EIPR1: variants seen among roughly 807,000 people sequenced by gnomAD.
EIPR1 encodes the protein EARP and GARP complex-interacting protein 1.
EIPR1 carries 25 observed loss-of-function variants against 48.1 expected under a neutral mutation model. The ratio of observed to expected loss-of-function variants is 0.52; its 90% CI spans 0.38 to 0.73. The LOEUF is 0.73. EIPR1 is among the 30% of genes least tolerant of loss of function. The pLI is 0.00. For missense variants in EIPR1, 415 were observed against 506.2 expected (o/e 0.82, Z 1.73); for synonymous variants, 204 against 201.9 (o/e 1.01, Z -0.09).
intron 5 of EIPR1, among the ~76,000 whole-genome samples, chr2:3,199,061 G>GCCCCCCCCCCCCCCCCCC (rs1334678710): frequency 4.4e-5 from 1 of 22,592 alleles, no homozygotes; most frequent in African/African-American, 1.6e-4. Flanking sequence ...ATTTTAGAGG[G>GCCCCCCCCCCCCCCCCCC]CCCCCCCCCC....
intron 5 of EIPR1, among the ~76,000 whole-genome samples, chr2:3,200,095 G>A (rs1664975226): frequency 6.6e-6 from 1 of 152,208 alleles, no homozygotes; most frequent in South Asian, 2.1e-4. Flanking sequence ...GCTGGGAGAA[G>A]AATAGCCATG....
At chr2:3,203,873 C>A (rs1665134035) in intron 5 of EIPR1, among the ~76,000 whole-genome samples, 1 of 152,216 alleles carries the variant, frequency 6.6e-6, no homozygotes, top group South Asian at 2.1e-4. Flanking sequence ...GGCCCTCAGT[C>A]CAGCAGCCCA....
chr2:3,373,075 T>G (rs1659741734), intron 1 of EIPR1, among the ~76,000 whole-genome samples: 1 of 152,156 alleles, frequency 6.6e-6, no homozygotes, highest in African/African-American at 2.4e-5. Flanking sequence ...GCTGGTTCAA[T>G]CTACGCAAAT....
intron 1 of EIPR1, among the ~76,000 whole-genome samples, chr2:3,365,640 G>A (rs900079671): frequency 2.7e-5 from 4 of 150,344 alleles, no homozygotes; most frequent in African/African-American, 4.9e-5. Flanking sequence ...GCGGCCTTCC[G>A]CAGTGTTTGT....
At chr2:3,332,406 C>G (rs556894212) in intron 3 of EIPR1, among the ~76,000 whole-genome samples, 1 of 152,198 alleles carries the variant, frequency 6.6e-6, no homozygotes, top group Non-Finnish European at 1.5e-5. Context: ...TAATTCCCTG[C>G]GTGACCAGGC....
At chr2:3,337,202 G>A (rs115324036) in intron 3 of EIPR1, among the ~76,000 whole-genome samples, 4,500 of 152,156 alleles carry the variant, frequency 0.03, 226 homozygotes, top group African/African-American at 0.1. Flanking sequence ...ATATTAGATC[G>A]GGATGTCCTG....
intron 5 of EIPR1, among the ~76,000 whole-genome samples, chr2:3,210,020 G>A (rs558394103): frequency 2.2e-4 from 34 of 152,256 alleles, no homozygotes; most frequent in Admixed American, 1.6e-3. Flanking sequence ...TAATGTCAAC[G>A]AGGGGCTCTG....
chr2:3,263,479 C>G (rs930812468), intron 3 of EIPR1, among the ~76,000 whole-genome samples: 3 of 152,152 alleles, frequency 2.0e-5, no homozygotes, highest in African/African-American at 7.2e-5. Context: ...GAGACCACCC[C>G]TCAACGGCCC....
intron 3 of EIPR1, among the ~76,000 whole-genome samples, chr2:3,314,447 C>T (rs1307607422): frequency 6.6e-6 from 1 of 152,134 alleles, no homozygotes; most frequent in Non-Finnish European, 1.5e-5. Flanking sequence ...AGGCTATACT[C>T]TCTTTTTTGG....
intron 1 of EIPR1, among the ~76,000 whole-genome samples, chr2:3,373,885 G>A (rs1428985072): frequency 1.3e-5 from 2 of 151,850 alleles, no homozygotes; most frequent in East Asian, 3.9e-4. Flanking sequence ...CTACTTTAAA[G>A]TTCATATGGA....
chr2:3,332,525 C>T (rs1669932142), intron 3 of EIPR1, among the ~76,000 whole-genome samples: 1 of 152,216 alleles, frequency 6.6e-6, no homozygotes, highest in Admixed American at 6.5e-5. Flanking sequence ...CCTCGGAGGC[C>T]AGCCTGCCAC....
chr2:3,304,384 G>A (rs1209940749), intron 3 of EIPR1, among the ~76,000 whole-genome samples: 6 of 151,812 alleles, frequency 4.0e-5, no homozygotes, highest in Non-Finnish European at 7.4e-5. Context: ...CCTGACACCT[G>A]CAGTTCAGCC....
chr2:3,340,561 T>C (rs10865539), intron 2 of EIPR1, among the ~76,000 whole-genome samples: 59,740 of 152,130 alleles, frequency 0.39, 12,700 homozygotes, highest in East Asian at 0.75. Context: ...GAAAGTTTAC[T>C]TATGAACAGT....
At chr2:3,324,982 A>C (rs2103330704) in intron 3 of EIPR1, among the ~76,000 whole-genome samples, 1 of 152,344 alleles carries the variant, frequency 6.6e-6, no homozygotes, top group African/African-American at 2.4e-5. Flanking sequence ...CAGCAAGGCC[A>C]AAGAACGGCC....
intron 4 of EIPR1, among the ~76,000 whole-genome samples, chr2:3,231,646 G>A (rs1183023022): frequency 2.6e-5 from 4 of 152,158 alleles, no homozygotes; most frequent in South Asian, 2.1e-4. Context: ...ATTTACTGAC[G>A]TGGGTATATT....
chr2:3,294,984 TA>T (rs58945038), intron 3 of EIPR1, among the ~76,000 whole-genome samples: 44,999 of 67,382 alleles, frequency 0.67, 17,189 homozygotes, highest in Middle Eastern at 0.82. Context: ...CCATCCTCTC[TA>T]CACACACACA....
At chr2:3,359,288 T>C (rs748951633) in intron 1 of EIPR1, among the ~76,000 whole-genome samples, 38 of 151,896 alleles carry the variant, frequency 2.5e-4, no homozygotes, top group Non-Finnish European at 4.9e-4. Flanking sequence ...TACTGAAAAA[T>C]GAAGGGCAAG....
chr2:3,367,044 C>CA (rs1670990996), intron 1 of EIPR1, among the ~76,000 whole-genome samples: 1 of 146,446 alleles, frequency 6.8e-6, no homozygotes. Flanking sequence ...GACTCTGTCC[C>CA]AAAAAATAAG....
At chr2:3,245,542 A>G (rs904491347) in intron 4 of EIPR1, among the ~76,000 whole-genome samples, 1 of 152,206 alleles carries the variant, frequency 6.6e-6, no homozygotes, top group African/African-American at 2.4e-5. Context: ...GAGACTTTAA[A>G]CAAACTTGAA....
Sources: gnomAD v4.1 joint callset for allele counts (sites outside exome capture counted in the v4.1 genomes callset) on GRCh38, gnomAD v4.1.1 for gene constraint, MANE v1.5 for transcripts, NCBI Gene and HGNC (gene_info 2026-07-23, HGNC 2026-07-21) for gene names.